CALN1: variants seen among roughly 807,000 people sequenced by gnomAD.
CALN1 encodes calneuron 1, also known as calcium-binding protein 8.
Under a neutral mutation model 30.6 loss-of-function variants are expected in CALN1, and 17 were observed. The observed-to-expected ratio is 0.56, with a 90% CI of 0.38 to 0.83. The LOEUF is 0.83. Among genes scored for constraint, CALN1 ranks in the 40% least tolerant of loss-of-function variants. The probability of loss-of-function intolerance (pLI) is 0.00; values close to 1 mark genes in which losing one functional copy is unlikely to be tolerated. For missense variants in CALN1, 291 were observed against 354.9 expected (o/e 0.82, Z 1.45); for synonymous variants, 156 against 131.4 (o/e 1.19, Z -1.28).
intron 3 of CALN1, among the ~76,000 whole-genome samples, chr7:72,253,768 T>A (rs1795723864): frequency 6.6e-6 from 1 of 152,150 alleles, no homozygotes; most frequent in Admixed American, 6.5e-5. Flanking sequence ...ATAGACAAAG[T>A]CTCACTCTGT....
At chr7:72,273,313 T>G (rs1797118873) in intron 3 of CALN1, among the ~76,000 whole-genome samples, 1 of 150,324 alleles carries the variant, frequency 6.7e-6, no homozygotes, top group Non-Finnish European at 1.5e-5. Flanking sequence ...TCCCAGCTAC[T>G]CAGGAGGCTG....
At chr7:72,181,718 G>T (rs186649050) in intron 3 of CALN1, among the ~76,000 whole-genome samples, 1 of 152,066 alleles carries the variant, frequency 6.6e-6, no homozygotes, top group Non-Finnish European at 1.5e-5. Context: ...CTCGTGATCC[G>T]TCCATCTTGG....
At chr7:71,957,674 G>A (rs886248130) in intron 5 of CALN1, among the ~76,000 whole-genome samples, 10 of 152,080 alleles carry the variant, frequency 6.6e-5, no homozygotes, top group African/African-American at 2.4e-4. Context: ...CGGATTTTTT[G>A]TTTTGTTTTT....
chr7:72,211,772 C>T (rs900580178), intron 3 of CALN1, among the ~76,000 whole-genome samples: 9 of 152,050 alleles, frequency 5.9e-5, no homozygotes, highest in East Asian at 1.9e-4. Context: ...AGGTGACAGC[C>T]GGTGATGGGG....
intron 4 of CALN1, among the ~76,000 whole-genome samples, chr7:72,067,705 T>C (rs969988369): frequency 2.0e-5 from 3 of 151,816 alleles, no homozygotes; most frequent in African/African-American, 7.3e-5. Context: ...TAAGGAGGAG[T>C]CCAGTGAGCT....
intron 5 of CALN1, among the ~76,000 whole-genome samples, chr7:71,993,664 G>C (rs944530200): frequency 3.3e-5 from 5 of 151,866 alleles, no homozygotes; most frequent in Non-Finnish European, 5.9e-5. Flanking sequence ...ACCATGTTGG[G>C]CAGGCTGGTC....
At chr7:71,941,273 C>T (rs1796115834) in intron 5 of CALN1, among the ~76,000 whole-genome samples, 1 of 128,306 alleles carries the variant, frequency 7.8e-6, no homozygotes, top group South Asian at 2.6e-4. Flanking sequence ...ATTGCTTGAA[C>T]CCGGGAGGCG....
intron 5 of CALN1, among the ~76,000 whole-genome samples, chr7:71,827,785 AAT>A (rs1382856090): frequency 4.7e-5 from 7 of 149,886 alleles, no homozygotes; most frequent in Middle Eastern, 3.4e-3. Flanking sequence ...AAAATAAATA[AAT>A]AAATAAATAA....
chr7:71,844,251 C>T (rs1790109831), intron 5 of CALN1, among the ~76,000 whole-genome samples: 2 of 152,142 alleles, frequency 1.3e-5, no homozygotes, highest in Admixed American at 1.3e-4. Context: ...GCCATCACCC[C>T]AGATAATATT....
At chr7:71,793,971 G>C (rs1292396172) in intron 6 of CALN1, among the ~76,000 whole-genome samples, 1 of 152,174 alleles carries the variant, frequency 6.6e-6, no homozygotes, top group African/African-American at 2.4e-5. Context: ...ATGAATGCGA[G>C]CTCCCTTGTA....
At chr7:71,918,135 G>A (rs1348862472) in intron 5 of CALN1, among the ~76,000 whole-genome samples, 1 of 152,172 alleles carries the variant, frequency 6.6e-6, no homozygotes, top group Non-Finnish European at 1.5e-5. Context: ...ACAACTGAGT[G>A]CTATGTAAAA....
chr7:71,841,766 T>A (rs1789951682), intron 5 of CALN1, among the ~76,000 whole-genome samples: 2 of 151,980 alleles, frequency 1.3e-5, no homozygotes, highest in Non-Finnish European at 2.9e-5. Flanking sequence ...AACCAAACAC[T>A]GCATGTTCTC....
At chr7:72,260,393 T>G (rs1585291587) in intron 3 of CALN1, among the ~76,000 whole-genome samples, 1 of 152,256 alleles carries the variant, frequency 6.6e-6, no homozygotes, top group East Asian at 1.9e-4. Flanking sequence ...TCACTACTCA[T>G]AAACACACAC....
At chr7:72,269,589 G>C (rs7783256) in intron 3 of CALN1, among the ~76,000 whole-genome samples, 53,042 of 152,078 alleles carry the variant, frequency 0.35, 10,369 homozygotes, top group Middle Eastern at 0.53. Flanking sequence ...TAAGACACTA[G>C]AAAGACCACC....
intron 4 of CALN1, among the ~76,000 whole-genome samples, chr7:72,067,519 G>C (rs1804105348): frequency 6.6e-6 from 1 of 152,130 alleles, no homozygotes; most frequent in African/African-American, 2.4e-5. Context: ...GGAAGTGTTG[G>C]AATTACAGGC....
chr7:72,375,840 T>C (rs920239754), intron 2 of CALN1, among the ~76,000 whole-genome samples: 9 of 152,188 alleles, frequency 5.9e-5, no homozygotes, highest in Non-Finnish European at 8.8e-5. Context: ...ATATTTACCA[T>C]GTTGTATAAC....
intron 1 of CALN1, among the ~76,000 whole-genome samples, chr7:72,410,289 T>C (rs1316927013): frequency 1.3e-5 from 2 of 152,190 alleles, no homozygotes; most frequent in African/African-American, 2.4e-5. Context: ...TTACTGACTC[T>C]GCAAAGGTGA....
chr7:72,109,395 C>T (rs746144384), intron 3 of CALN1, among the ~76,000 whole-genome samples: 3 of 152,074 alleles, frequency 2.0e-5, no homozygotes, highest in Non-Finnish European at 2.9e-5. Context: ...TCTGTGCATC[C>T]GTGGACATCG....
At chr7:72,485,807 G>A in the CALN1 span, among the ~76,000 whole-genome samples, 1 of 152,224 alleles carries the variant, frequency 6.6e-6, no homozygotes, top group African/African-American at 2.4e-5. Flanking sequence ...GGAGGTGGAG[G>A]TTGCAGTGAG....
Sources: gnomAD v4.1 joint callset for allele counts (sites outside exome capture counted in the v4.1 genomes callset) on GRCh38, gnomAD v4.1.1 for gene constraint, MANE v1.5 for transcripts, NCBI Gene and HGNC (gene_info 2026-07-23, HGNC 2026-07-21) for gene names.